ZNF544: variants seen among roughly 807,000 people sequenced by gnomAD.
ZNF544 encodes zinc finger protein 544.
ZNF544 carries 10 observed loss-of-function variants against 13.5 expected under a neutral mutation model. The ratio of observed to expected loss-of-function variants is 0.74; its 90% CI spans 0.46 to 1.25. The LOEUF is 1.25. Ranked by LOEUF, ZNF544 falls within the 50% of genes most tolerant of loss-of-function variation. The pLI is 0.00. For missense variants in ZNF544, 896 were observed against 845.6 expected (o/e 1.06, Z -0.74); for synonymous variants, 323 against 300.5 (o/e 1.07, Z -0.77).
intron 3 of ZNF544, among the ~76,000 whole-genome samples, chr19:58,234,268 G>A (rs28635351): frequency 0.066 from 10,005 of 152,312 alleles, 1,119 homozygotes; most frequent in African/African-American, 0.23. Context: ...AGTCTCTGGG[G>A]TGAGGTTTCC....
intron 6 of ZNF544, chr19:58,277,131 C>T (rs1251080314): frequency 8.2e-7 from 1 of 1,216,006 alleles, no homozygotes; most frequent in Non-Finnish European, 1.0e-6. Flanking sequence ...CAGTCCAAAA[C>T]CATGTCCTCT....
chr19:58,241,181 T>TTAAATATATATATATATATATA (rs1568461117), intron 3 of ZNF544, among the ~76,000 whole-genome samples: 1 of 51,280 alleles, frequency 2.0e-5, no homozygotes, highest in African/African-American at 9.1e-5. Context: ...ATATATATAT[T>TTAAATATATATATATATATATA]TTTTTTTTTT....
rs368966607 is a variant in ZNF544, at chr19:58,262,229, T to G, written c.1623T>G (p.Ile541Met). The G allele has an allele frequency of 2.8e-5, 45 of 1,613,842 alleles. No individual in the cohort carries two copies. The highest frequency in any genetic ancestry group is 3.6e-5 in the Non-Finnish European group (43 of 1,180,024). ...CCAAACTTATTACGCATCAGCGAAT[T>G]CACACTGGAGAAAAACCGTATCAGT... ...QSSKLITHQR[I>M]HTGEKPYQCI... The change falls in exon 7 of 7, where the codon ATT (isoleucine) becomes ATG (methionine). Residue 541 changes from isoleucine (I) to methionine (M), a missense_variant. Coordinates refer to ENST00000687789, the MANE Select transcript of ZNF544 (RefSeq NM_014480.4).
intron 6 of ZNF544, among the ~76,000 whole-genome samples, chr19:58,276,898 T>C (rs569609677): frequency 2.0e-5 from 3 of 152,318 alleles, no homozygotes; most frequent in African/African-American, 7.2e-5. Context: ...GGTAGAATAG[T>C]GGTTTTTGTA....
At chr19:58,269,824 C>T (rs561988855) in intron 5 of ZNF544, among the ~76,000 whole-genome samples, 8 of 151,496 alleles carry the variant, frequency 5.3e-5, no homozygotes, top group South Asian at 2.1e-4. Flanking sequence ...AGGAGGCTGA[C>T]GCAGGAGTAT....
chr19:58,234,192 A>G (rs1387293232), intron 3 of ZNF544, among the ~76,000 whole-genome samples: 1 of 152,148 alleles, frequency 6.6e-6, no homozygotes, highest in African/African-American at 2.4e-5. Context: ...CTTGTATGGG[A>G]CTTTCTCTAG....
At chr19:58,243,904 T>C in intron 3 of ZNF544, 61 bp from the exon 4 acceptor site, 1 of 1,365,756 alleles carries the variant, frequency 7.3e-7, no homozygotes. Context: ...CTAGGGTGGG[T>C]GTTGGCCCTG....
At chr19:58,264,797 A>G (rs1000798473), downstream of ZNF544, among the ~76,000 whole-genome samples, 2 of 152,212 alleles carry the variant, frequency 1.3e-5, no homozygotes, top group Admixed American at 6.5e-5. Context: ...ACTTGAGCCC[A>G]GTAGATTGAG....
chr19:58,240,271 T>G (rs568620274), intron 3 of ZNF544, among the ~76,000 whole-genome samples: 31 of 151,972 alleles, frequency 2.0e-4, no homozygotes, highest in Admixed American at 1.5e-3. Context: ...CTTTTTTTTT[T>G]TTTGGAGACA....
At chr19:58,260,625 T>C (rs1600387287) in intron 6 of ZNF544, 1 of 473,664 alleles carries the variant, frequency 2.1e-6, no homozygotes, top group Non-Finnish European at 3.7e-6. Context: ...TGGGGACTAG[T>C]GTTACTTAGT....
In ZNF544 at chr19:58,262,066, C is replaced by A. The variant is rs375307117; in HGVS notation, c.1460C>A (p.Thr487Asn). 4 of 1,611,672 alleles carry A rather than the reference C, an allele frequency of 2.5e-6. No homozygotes were observed. The highest frequency in any genetic ancestry group is 3.4e-6 in the Non-Finnish European group (4 of 1,179,586). ...YELVTHKRTH[T>N]GEKPFKCTQC... ...TTAGTTACACATAAAAGAACGCACA[C>A]TGGAGAAAAACCCTTCAAATGTACT... The change falls in exon 7 of 7, where the codon ACT becomes AAT. Residue 487 changes from threonine to asparagine, a missense_variant. By Grantham distance (65) the Thr-to-Asn change is moderately conservative. Transcript: ENST00000687789.
chr19:58,239,257 C>G (rs1468271744), intron 3 of ZNF544, among the ~76,000 whole-genome samples: 6 of 152,158 alleles, frequency 3.9e-5, no homozygotes, highest in Non-Finnish European at 7.4e-5. Context: ...TAGGGCTGCC[C>G]CATGAGCTGT....
chr19:58,267,227 A>G (rs1468761105), downstream of ZNF544: 2 of 152,006 alleles, frequency 1.3e-5, no homozygotes, highest in South Asian at 2.1e-4. Flanking sequence ...ATGCCAAGCT[A>G]TTTTTTGTAT....
At chr19:58,273,112 C>T (rs770889419) in intron 5 of ZNF544, among the ~76,000 whole-genome samples, 2 of 150,008 alleles carry the variant, frequency 1.3e-5, no homozygotes, top group Non-Finnish European at 3.0e-5. Flanking sequence ...ACCCAGGAGG[C>T]GGAGGTTGCA....
intron 6 of ZNF544, among the ~76,000 whole-genome samples, chr19:58,250,842 G>A (rs537853579): frequency 6.6e-6 from 1 of 152,288 alleles, no homozygotes; most frequent in Non-Finnish European, 1.5e-5. Flanking sequence ...AATGATGCTG[G>A]AGATAACCAA....
intron 5 of ZNF544, among the ~76,000 whole-genome samples, chr19:58,275,679 T>G (rs1479917602): frequency 6.8e-6 from 1 of 148,118 alleles, no homozygotes; most frequent in Non-Finnish European, 1.5e-5. Flanking sequence ...CATGGTAGCA[T>G]GAGGCTGAGG....
downstream of ZNF544, among the ~76,000 whole-genome samples, chr19:58,265,268 G>A (rs774131321): frequency 6.7e-6 from 1 of 149,300 alleles, no homozygotes; most frequent in Admixed American, 6.8e-5. Context: ...GAGACTAGAA[G>A]AGGCCATGTC....
chr19:58,260,981 G>C lies in ZNF544; in HGVS notation c.375G>C (p.Val125=), dbSNP rs1040390963. 6.2e-7 allele frequency: 1 copy of C among 1,614,190 alleles called. No homozygotes were observed. The part of the protein sequence containing the change: ...EEPPSLVLGK[V]QDQSNQLREH... ...CACCCTCTTTGGTATTAGGAAAAGT[G>C]CAAGATCAGAGCAACCAGTTAAGGG... Residue 125 remains valine, a synonymous_variant, in exon 7 of 7, where the codon GTG becomes GTC. Coordinates refer to ENST00000687789, the MANE Select transcript of ZNF544 (RefSeq NM_014480.4).
chr19:58,255,308 T>TG (rs1490942942), intron 6 of ZNF544, among the ~76,000 whole-genome samples: 1 of 152,134 alleles, frequency 6.6e-6, no homozygotes, highest in Non-Finnish European at 1.5e-5. Context: ...CCTGAGTAGC[T>TG]GGGGATTACA....
Sources: gnomAD v4.1 joint callset for allele counts (sites outside exome capture counted in the v4.1 genomes callset) on GRCh38, gnomAD v4.1.1 for gene constraint, MANE v1.5 for transcripts, NCBI Gene and HGNC (gene_info 2026-07-23, HGNC 2026-07-21) for gene names.